The following GABRG1 variants were observed in gnomAD, a reference collection of about 807,000 sequenced individuals.
The protein encoded by GABRG1 is gamma-aminobutyric acid type A receptor subunit gamma1, also known as gamma-aminobutyric acid receptor subunit gamma-1.
A neutral mutation model predicts 49.8 loss-of-function variants in GABRG1; 49 were observed. The observed-to-expected ratio is 0.98, with a 90% CI of 0.78 to 1.25. The LOEUF (loss-of-function observed/expected upper bound fraction) is 1.25. Ranked by LOEUF, GABRG1 falls within the 50% of genes most tolerant of loss-of-function variation. The probability of loss-of-function intolerance (pLI) is 0.00; values close to 1 mark genes in which losing one functional copy is unlikely to be tolerated. For missense variants in GABRG1, 552 were observed against 552.3 expected (o/e 1.00, Z 0.01); for synonymous variants, 232 against 185.1 (o/e 1.25, Z -2.06).
chr4:46,088,565 G>A (rs1719864690), intron 2 of GABRG1, among the ~76,000 whole-genome samples: 1 of 151,866 alleles, frequency 6.6e-6, no homozygotes, highest in African/African-American at 2.4e-5. Context: ...ACTTGCGCAG[G>A]CTTTCCAATA....
chr4:46,113,467 C>T (rs979619962), intron 1 of GABRG1, among the ~76,000 whole-genome samples: 4 of 150,884 alleles, frequency 2.7e-5, no homozygotes, highest in Non-Finnish European at 5.9e-5. Flanking sequence ...TCTCTTGACA[C>T]TTGGGGATTA....
At chr4:46,117,640 A>C (rs1397532694) in intron 1 of GABRG1, among the ~76,000 whole-genome samples, 6 of 144,950 alleles carry the variant, frequency 4.1e-5, no homozygotes, top group Admixed American at 7.0e-5. Context: ...ATGTATACAT[A>C]TATACATATA....
At chr4:46,067,944 C>G (rs1718979221) in intron 3 of GABRG1, among the ~76,000 whole-genome samples, 1 of 152,058 alleles carries the variant, frequency 6.6e-6, no homozygotes, top group Non-Finnish European at 1.5e-5. Context: ...AATTCTTGGA[C>G]AACTTCACTG....
chr4:46,061,384 A>T (rs1718665924), intron 5 of GABRG1, among the ~76,000 whole-genome samples: 1 of 152,144 alleles, frequency 6.6e-6, no homozygotes, highest in African/African-American at 2.4e-5. Context: ...TAAGTGAAGA[A>T]GTAGGGTTAT....
chr4:46,046,189 A>T (rs1462740297), intron 8 of GABRG1, among the ~76,000 whole-genome samples: 1 of 152,142 alleles, frequency 6.6e-6, no homozygotes, highest in Admixed American at 6.6e-5. Context: ...GTTAAAATTA[A>T]TTTTTTTAAA....
At chr4:46,119,103 G>T (rs562560770) in intron 1 of GABRG1, among the ~76,000 whole-genome samples, 1 of 151,394 alleles carries the variant, frequency 6.6e-6, no homozygotes, top group South Asian at 2.1e-4. Flanking sequence ...AGTTGTGTGT[G>T]TGTGTGTGTG....
chr4:46,117,350 T>C (rs1308283190), intron 1 of GABRG1, among the ~76,000 whole-genome samples: 1 of 150,388 alleles, frequency 6.6e-6, no homozygotes, highest in African/African-American at 2.4e-5. Flanking sequence ...ACATTGTTTC[T>C]GGGAGGAAAA....
Position 46,065,479 on chromosome 4 carries a change from TTTTTCCAACCATATTACTG to T in GABRG1, c.408_426del (p.Asn136LysfsTer20). On this transcript the variant is annotated frameshift_variant, in exon 4 of 9. Transcript: ENST00000295452. LOFTEE classifies it high-confidence loss of function. ...CTGAAGAAAGTGTCAGGAATCCAAATTTTTCCAACCATATTACTGTTAAGCATAAGCACTTTCATGGTAC... is the reference window on the plus strand; with the variant it reads ...CTGAAGAAAGTGTCAGGAATCCAAATTTAAGCATAAGCACTTTCATGGTAC... 1 of 1,610,900 alleles carries T rather than the reference TTTTTCCAACCATATTACTG, an allele frequency of 6.2e-7. No individual in the cohort carries two copies. Among genetic ancestry groups the T allele is most frequent in the Non-Finnish European group, 8.5e-7 (1 of 1,177,388 alleles).
intron 5 of GABRG1, among the ~76,000 whole-genome samples, chr4:46,063,012 TAA>T (rs1577641138): frequency 6.6e-6 from 1 of 150,834 alleles, no homozygotes; most frequent in South Asian, 2.1e-4. Flanking sequence ...CTCAATGAAA[TAA>T]AAGAGGATAC....
chr4:46,080,522 A>G (rs764173869), intron 3 of GABRG1, among the ~76,000 whole-genome samples: 9 of 151,678 alleles, frequency 5.9e-5, no homozygotes, highest in Admixed American at 1.3e-4. Flanking sequence ...TAGCAATTTT[A>G]TTTAATTAGG....
intron 1 of GABRG1, among the ~76,000 whole-genome samples, chr4:46,114,461 T>C (rs1486717988): frequency 6.6e-6 from 1 of 150,990 alleles, no homozygotes; most frequent in Non-Finnish European, 1.5e-5. Context: ...AACTCTACCA[T>C]GCAGTTAATC....
At chr4:46,117,040 C>A (rs762349730) in intron 1 of GABRG1, among the ~76,000 whole-genome samples, 1 of 150,318 alleles carries the variant, frequency 6.7e-6, no homozygotes, top group Non-Finnish European at 1.5e-5. Flanking sequence ...TAATGTACAA[C>A]CATTAGTGAT....
intron 1 of GABRG1, among the ~76,000 whole-genome samples, chr4:46,100,334 G>A (rs1399059634): frequency 2.0e-5 from 3 of 151,536 alleles, no homozygotes; most frequent in Non-Finnish European, 4.4e-5. Flanking sequence ...TGGGGAGGGT[G>A]GGAGGAGGGA....
At chr4:46,072,669 C>T (rs1369485950) in intron 3 of GABRG1, among the ~76,000 whole-genome samples, 1 of 151,982 alleles carries the variant, frequency 6.6e-6, no homozygotes, top group Non-Finnish European at 1.5e-5. Flanking sequence ...TTTTTCTGCA[C>T]TTTGAACTTG....
intron 2 of GABRG1, among the ~76,000 whole-genome samples, chr4:46,087,373 G>A (rs1045454314): frequency 6.6e-5 from 10 of 151,438 alleles, no homozygotes; most frequent in African/African-American, 2.4e-4. Flanking sequence ...ATTGTGTCAT[G>A]CTTATATAAG....
intron 8 of GABRG1, among the ~76,000 whole-genome samples, chr4:46,047,254 G>C (rs548705231): frequency 6.6e-6 from 1 of 152,192 alleles, no homozygotes; most frequent in Non-Finnish European, 1.5e-5. Context: ...TGGGACGTAT[G>C]CTAGTCTACT....
rs554886789 is a variant in GABRG1 at position 46,042,075 on chromosome 4, C to T, written c.1132-821G>A. The stretch of plus-strand genomic sequence containing the variant: ...TTTGGCTTCTATGTTTTCTTCTGTA[C>T]AAAAATGGCAATAAAAACATTGTAG... On this transcript the variant is annotated intron_variant, in intron 8 of 8. Transcript: ENST00000295452. Among the ~76,000 whole-genome samples, 13 of 151,808 alleles carry T rather than the reference C, an allele frequency of 8.6e-5. No homozygotes were observed. The East Asian group carries it at 2.1e-3, about 25-fold the overall frequency.
In GABRG1 at chr4:46,039,024, C is replaced by G. The variant is rs1032579219; in HGVS notation, c.*1964G>C. On this transcript the variant is annotated 3_prime_UTR_variant, in exon 9 of 9. Transcript: ENST00000295452. ...GATACACTTGAAAGAGTCCCAAAAT[C>G]AAAACTGTCTCATGATAGTAAGCTA... 3 of 151,582 alleles carry G rather than the reference C, an allele frequency of 2.0e-5. No individual in the cohort carries two copies. Among genetic ancestry groups the G allele is most frequent in the Admixed American group, 2.0e-4 (3 of 15,172 alleles). The allele number at this position is 151,582 out of a possible 1,614,324, so 9.4% of individuals were successfully genotyped here.
At chr4:46,117,706 A>G (rs1243346828) in intron 1 of GABRG1, among the ~76,000 whole-genome samples, 4 of 144,992 alleles carry the variant, frequency 2.8e-5, no homozygotes, top group Non-Finnish European at 3.0e-5. Context: ...CTGTATATAT[A>G]CATACATGTA....
Sources: gnomAD v4.1 joint callset for allele counts (sites outside exome capture counted in the v4.1 genomes callset) on GRCh38, gnomAD v4.1.1 for gene constraint, MANE v1.5 for transcripts, NCBI Gene and HGNC (gene_info 2026-07-23, HGNC 2026-07-21) for gene names.